Variants in CYB5B observed in about 807,000 individuals in gnomAD.
The protein encoded by CYB5B is cytochrome b5 type B, also known as cytochrome b5 type B (outer mitochondrial membrane).
In CYB5B, 14 loss-of-function variants were observed where a neutral mutation model predicts 21.3. The ratio of observed to expected loss-of-function variants is 0.66; its 90% CI spans 0.43 to 1.03. The LOEUF (loss-of-function observed/expected upper bound fraction) is 1.03, where lower values mean the gene tolerates loss of function less well. Ranked by LOEUF, CYB5B falls within the 50% of genes least tolerant of loss-of-function variation. CYB5B has a pLI of 0.00. For missense variants in CYB5B, 166 were observed against 185.1 expected (o/e 0.90, Z 0.60); for synonymous variants, 69 against 68.4 (o/e 1.01, Z -0.04).
chr16:69,457,348 A>G (rs905732218), intron 3 of CYB5B, among the ~76,000 whole-genome samples: 1 of 152,364 alleles, frequency 6.6e-6, no homozygotes, highest in Non-Finnish European at 1.5e-5. Context: ...ATTAAACATC[A>G]TAATACATAT....
intron 3 of CYB5B, among the ~76,000 whole-genome samples, chr16:69,452,728 G>T (rs184385765): frequency 4.6e-5 from 7 of 151,992 alleles, no homozygotes; most frequent in African/African-American, 1.7e-4. Flanking sequence ...CATCTTTTGG[G>T]CTGGGGGCGG....
rs750595137 is a variant in CYB5B at position 69,424,804 on chromosome 16, C to A, written c.121C>A (p.Leu41Met). ...EVAKRNSLKE[L>M]WLVIHGRVYD... ...GGCAAAGCGCAACTCCTTGAAGGAA[C>A]TGTGGCTTGTGATCCATGGGCGAGT... Residue 41 changes from leucine (L) to methionine (M), a missense_variant, in exon 1 of 5, where the codon CTG becomes ATG. By Grantham distance (15) the Leu-to-Met change is conservative. Coordinates refer to ENST00000307892, the MANE Select transcript of CYB5B (RefSeq NM_030579.3). The A allele has an allele frequency of 5.0e-6, 8 of 1,607,790 alleles. No individual in the cohort carries two copies. The highest frequency in any genetic ancestry group is 1.7e-6 in the Non-Finnish European group (2 of 1,176,998).
intron 1 of CYB5B, among the ~76,000 whole-genome samples, chr16:69,439,716 G>A (rs2014800164): frequency 6.6e-6 from 1 of 151,426 alleles, no homozygotes; most frequent in Non-Finnish European, 1.5e-5. Context: ...ATAGGAGCGG[G>A]CCACCACACC....
intron 1 of CYB5B, among the ~76,000 whole-genome samples, chr16:69,425,638 T>G (rs1390260093): frequency 2.0e-5 from 3 of 152,332 alleles, no homozygotes; most frequent in African/African-American, 7.2e-5. Flanking sequence ...ATGTACATTT[T>G]GATGAGTTTT....
intron 4 of CYB5B, among the ~76,000 whole-genome samples, chr16:69,459,958 T>C (rs932277706): frequency 9.2e-5 from 14 of 152,146 alleles, no homozygotes; most frequent in African/African-American, 2.2e-4. Context: ...ACAAAACTTA[T>C]GCTTATGCAG....
At chr16:69,430,608 T>A (rs143835097) in intron 1 of CYB5B, among the ~76,000 whole-genome samples, 19 of 152,330 alleles carry the variant, frequency 1.2e-4, no homozygotes, top group African/African-American at 4.6e-4. Context: ...TGGAAGCCAT[T>A]GACTTGTGTA....
intron 1 of CYB5B, chr16:69,443,373 G>T (rs2014844905): frequency 5.8e-6 from 1 of 172,494 alleles, no homozygotes; most frequent in African/African-American, 2.4e-5. Flanking sequence ...GTTTCTGTGG[G>T]CATGGCCATG....
At chr16:69,435,420 C>T (rs2142812155) in intron 1 of CYB5B, among the ~76,000 whole-genome samples, 1 of 152,212 alleles carries the variant, frequency 6.6e-6, no homozygotes, top group South Asian at 2.1e-4. Context: ...AATTAGATGA[C>T]TTGGATTTGC....
rs965064015 is a variant in CYB5B at position 69,450,963 on chromosome 16, C to T, written c.333+2819C>T. ...ACCATTCCCTAATTCTTTTAGAAAA[C>T]ACCTTTCATATTACTTTTATAACAC... On this transcript the variant is annotated intron_variant, in intron 3 of 4. Transcript: ENST00000307892. Among the ~76,000 whole-genome samples, 24 of 152,092 alleles carry T rather than the reference C, an allele frequency of 1.6e-4. 1 individual carries two copies. Among genetic ancestry groups the T allele is most frequent in the African/African-American group, 4.1e-4 (17 of 41,424 alleles).
At chr16:69,445,924 T>A (rs1182209051) in intron 1 of CYB5B, among the ~76,000 whole-genome samples, 3 of 152,074 alleles carry the variant, frequency 2.0e-5, no homozygotes, top group Non-Finnish European at 2.9e-5. Context: ...CCATTGCACT[T>A]CAGCCTGGGC....
chr16:69,454,868 A>C (rs559892481), intron 3 of CYB5B, among the ~76,000 whole-genome samples: 25 of 152,268 alleles, frequency 1.6e-4, no homozygotes, highest in African/African-American at 5.8e-4. Flanking sequence ...TGAAGGTATA[A>C]TGCCCTGTTT....
intron 1 of CYB5B, among the ~76,000 whole-genome samples, chr16:69,442,831 T>TC (rs1304353249): frequency 2.0e-5 from 3 of 150,904 alleles, no homozygotes; most frequent in Non-Finnish European, 4.4e-5. Flanking sequence ...TATCCTTTTT[T>TC]TTTTTTTTTT....
intron 3 of CYB5B, among the ~76,000 whole-genome samples, chr16:69,458,377 A>T (rs974957865): frequency 6.6e-6 from 1 of 152,312 alleles, no homozygotes; most frequent in Admixed American, 6.5e-5. Flanking sequence ...TGTTGTGAAC[A>T]TTTTATGTAA....
chr16:69,437,520 T>G (rs2014773107), intron 1 of CYB5B, among the ~76,000 whole-genome samples: 1 of 152,186 alleles, frequency 6.6e-6, no homozygotes, highest in Non-Finnish European at 1.5e-5. Context: ...TTCTATCTTG[T>G]TTTGTTAGGA....
intron 1 of CYB5B, among the ~76,000 whole-genome samples, chr16:69,439,857 A>G (rs2014801433): frequency 6.6e-6 from 1 of 151,754 alleles, no homozygotes; most frequent in African/African-American, 2.4e-5. Flanking sequence ...GTGAGCCAAA[A>G]TCTACCATCT....
At chr16:69,438,567 C>A (rs1287356584) in intron 1 of CYB5B, among the ~76,000 whole-genome samples, 1 of 151,456 alleles carries the variant, frequency 6.6e-6, no homozygotes, top group Non-Finnish European at 1.5e-5. Context: ...GCCATCCTAG[C>A]AGGTGTAAAG....
chr16:69,424,843 C>G lies in CYB5B; in HGVS notation c.160C>G (p.Arg54Gly). The change falls in exon 1 of 5, where the codon CGC becomes GGC. Residue 54 changes from arginine to glycine, a missense_variant. By Grantham distance (125) the Arg-to-Gly change is moderately radical. Coordinates refer to ENST00000307892, the MANE Select transcript of CYB5B (RefSeq NM_030579.3). ...CCATGGGCGAGTCTACGATGTCACC[C>G]GCTTCCTCAACGAGGTGGGGCCTGG... ...VIHGRVYDVT[R>G]FLNEHPGGEE... 2 of 1,582,206 alleles carry G rather than the reference C, an allele frequency of 1.3e-6. No individual in the cohort carries two copies. The highest frequency in any genetic ancestry group is 8.6e-7 in the Non-Finnish European group (1 of 1,164,094).
chr16:69,446,938 C>T (rs1401978452), intron 1 of CYB5B, among the ~76,000 whole-genome samples: 3 of 152,174 alleles, frequency 2.0e-5, no homozygotes, highest in African/African-American at 7.2e-5. Flanking sequence ...TCCCAGGTGT[C>T]CTCACTGTAA....
chr16:69,454,797 C>T (rs984438846), intron 3 of CYB5B, among the ~76,000 whole-genome samples: 2 of 152,174 alleles, frequency 1.3e-5, no homozygotes, highest in African/African-American at 4.8e-5. Context: ...AACATAAAGT[C>T]TTTATATACC....
Sources: allele counts gnomAD v4.1 joint callset (sites outside exome capture counted in the v4.1 genomes callset), GRCh38; gene constraint gnomAD v4.1.1; transcripts MANE v1.5; gene names NCBI Gene and HGNC (gene_info 2026-07-23, HGNC 2026-07-21).